PDZRN3: variants seen among roughly 807,000 people sequenced by gnomAD.
PDZRN3 encodes E3 ubiquitin-protein ligase PDZRN3.
A neutral mutation model predicts 85.7 loss-of-function variants in PDZRN3; 38 were observed. The observed-to-expected ratio is 0.44, with a 90% confidence interval of 0.34 to 0.58. The LOEUF is 0.58. PDZRN3 is among the 20% of genes least tolerant of loss of function. The pLI is 0.01. For missense variants in PDZRN3, 1,629 were observed against 1,506.4 expected (o/e 1.08, Z -1.35); for synonymous variants, 759 against 638.0 (o/e 1.19, Z -2.86).
At chr3:73,621,658 C>T (rs966661240) in intron 1 of PDZRN3, 4 of 152,148 alleles carry the variant, frequency 2.6e-5, no homozygotes, top group South Asian at 2.1e-4. Flanking sequence ...CAGCTGAGGC[C>T]AGGCTGGGTC....
chr3:73,425,146 C>T (rs552324597), intron 3 of PDZRN3, among the ~76,000 whole-genome samples: 1 of 152,070 alleles, frequency 6.6e-6, no homozygotes, highest in East Asian at 1.9e-4. Flanking sequence ...TCCTGAGTAG[C>T]TGGGACCACA....
At chr3:73,473,184 T>G (rs1703380898) in intron 3 of PDZRN3, among the ~76,000 whole-genome samples, 1 of 152,252 alleles carries the variant, frequency 6.6e-6, no homozygotes, top group Non-Finnish European at 1.5e-5. Flanking sequence ...TATGTCTTTT[T>G]TCCTGTGTTT....
intron 3 of PDZRN3, among the ~76,000 whole-genome samples, chr3:73,454,846 A>C (rs145753043): frequency 6.6e-6 from 1 of 152,226 alleles, no homozygotes; most frequent in South Asian, 2.1e-4. Flanking sequence ...ATATACTCAA[A>C]TATCATCTCT....
intron 7 of PDZRN3, chr3:73,388,270 A>G (rs1286179703): frequency 2.3e-6 from 1 of 429,260 alleles, no homozygotes; most frequent in East Asian, 3.6e-5. Flanking sequence ...TCTGGTCTAT[A>G]AGGGAGCCTC....
At chr3:73,502,695 G>A (rs957259978) in intron 3 of PDZRN3, among the ~76,000 whole-genome samples, 5 of 152,218 alleles carry the variant, frequency 3.3e-5, no homozygotes, top group African/African-American at 1.2e-4. Flanking sequence ...CAGCTATAGA[G>A]AAGGCAGCTC....
At chr3:73,425,613 A>AG (rs1702298409) in intron 3 of PDZRN3, among the ~76,000 whole-genome samples, 1 of 148,248 alleles carries the variant, frequency 6.7e-6, no homozygotes. Context: ...AAAAAAAAAA[A>AG]GAGAATCCCC....
chr3:73,545,231 C>T (rs573439872), intron 3 of PDZRN3, among the ~76,000 whole-genome samples: 9 of 152,284 alleles, frequency 5.9e-5, no homozygotes, highest in African/African-American at 2.2e-4. Flanking sequence ...TCTGCTTTAT[C>T]TCCTGTGCCA....
At chr3:73,394,010 T>C (rs1701585039) in intron 5 of PDZRN3, among the ~76,000 whole-genome samples, 1 of 152,226 alleles carries the variant, frequency 6.6e-6, no homozygotes, top group Non-Finnish European at 1.5e-5. Context: ...TGTACATTTT[T>C]CCTTCTGAAT....
intron 3 of PDZRN3, among the ~76,000 whole-genome samples, chr3:73,551,246 A>T (rs551246742): frequency 4.9e-4 from 75 of 152,342 alleles, no homozygotes; most frequent in African/African-American, 1.8e-3. Context: ...AAAATGACAC[A>T]CTGTCTTGGA....
chr3:73,464,332 T>C (rs1703167651), intron 3 of PDZRN3, among the ~76,000 whole-genome samples: 1 of 152,214 alleles, frequency 6.6e-6, no homozygotes, highest in African/African-American at 2.4e-5. Context: ...TGGGTTTTGT[T>C]ACTCACTATT....
chr3:73,447,388 G>A (rs1312489726), intron 3 of PDZRN3, among the ~76,000 whole-genome samples: 2 of 151,978 alleles, frequency 1.3e-5, no homozygotes, highest in African/African-American at 2.4e-5. Context: ...GGTTTCTCAA[G>A]ACATTCTGAA....
At chr3:73,538,603 C>A (rs1480876976) in intron 3 of PDZRN3, among the ~76,000 whole-genome samples, 3 of 152,184 alleles carry the variant, frequency 2.0e-5, no homozygotes, top group Non-Finnish European at 2.9e-5. Context: ...TTTCTTGATG[C>A]TACTCCTCAT....
intron 3 of PDZRN3, among the ~76,000 whole-genome samples, chr3:73,521,431 C>A (rs1704364019): frequency 6.6e-6 from 1 of 152,116 alleles, no homozygotes; most frequent in South Asian, 2.1e-4. Context: ...GGCTCGCTCG[C>A]TGCTCTGAGG....
At chr3:73,442,035 A>C (rs574852975) in intron 3 of PDZRN3, among the ~76,000 whole-genome samples, 1 of 152,262 alleles carries the variant, frequency 6.6e-6, no homozygotes, top group South Asian at 2.1e-4. Context: ...AATGTGACCA[A>C]TGTATCAAAG....
intron 3 of PDZRN3, among the ~76,000 whole-genome samples, chr3:73,488,952 G>A (rs1021487761): frequency 2.0e-5 from 3 of 152,340 alleles, no homozygotes; most frequent in African/African-American, 4.8e-5. Context: ...TGCCTGTAGT[G>A]GGTGGGCATG....
At chr3:73,492,916 A>G (rs1703797895) in intron 3 of PDZRN3, among the ~76,000 whole-genome samples, 1 of 150,332 alleles carries the variant, frequency 6.7e-6, no homozygotes, top group South Asian at 2.1e-4. Flanking sequence ...TTATGTATCA[A>G]TTTTTAAAAA....
At chr3:73,604,030 T>G (rs1488069695) in intron 2 of PDZRN3, among the ~76,000 whole-genome samples, 2 of 152,052 alleles carry the variant, frequency 1.3e-5, no homozygotes, top group East Asian at 3.9e-4. Flanking sequence ...GGCATCTGGA[T>G]TCCATCAACG....
intron 3 of PDZRN3, among the ~76,000 whole-genome samples, chr3:73,435,856 C>T (rs935626780): frequency 6.6e-6 from 1 of 152,162 alleles, no homozygotes; most frequent in Admixed American, 6.5e-5. Flanking sequence ...CAGATCACTT[C>T]CCATCACTCT....
At chr3:73,590,191 C>T (rs1461681437) in intron 3 of PDZRN3, among the ~76,000 whole-genome samples, 2 of 143,070 alleles carry the variant, frequency 1.4e-5, no homozygotes. Context: ...ATCGCTTGAA[C>T]CGGGGAAGCA....
Sources: allele counts gnomAD v4.1 joint callset (sites outside exome capture counted in the v4.1 genomes callset), GRCh38; gene constraint gnomAD v4.1.1; transcripts MANE v1.5; gene names NCBI Gene and HGNC (gene_info 2026-07-23, HGNC 2026-07-21).